Variants in INO80D observed in about 807,000 individuals in gnomAD.
INO80D encodes INO80 complex subunit D.
Under a neutral mutation model 87.6 loss-of-function variants are expected in INO80D, and 21 were observed. That is an observed-to-expected ratio of 0.24 (90% CI 0.17 to 0.35). INO80D has a LOEUF of 0.35. Among genes scored for constraint, INO80D ranks in the 10% least tolerant of loss-of-function variants. The pLI, the probability that INO80D is intolerant of heterozygous loss-of-function variation, is 1.00. For synonymous variants in INO80D, 440 were observed against 491.0 expected, an observed-to-expected ratio of 0.90 and a Z score of 1.37; for missense variants, 982 against 1,280.7, an observed-to-expected ratio of 0.77 and a Z score of 3.56.
chr2:206,060,556 A>C, intron 3 of INO80D, among the ~76,000 whole-genome samples: 1 of 144,906 alleles, frequency 6.9e-6, no homozygotes, highest in Non-Finnish European at 1.5e-5. Flanking sequence ...AACAACAACA[A>C]CTTAGTGCTT....
intron 5 of INO80D, among the ~76,000 whole-genome samples, chr2:206,033,831 T>C (rs1278938405): frequency 2.6e-5 from 4 of 152,154 alleles, no homozygotes; most frequent in East Asian, 3.9e-4. Flanking sequence ...ACACATACAA[T>C]TGATAGGCCA....
At chr2:206,036,220 T>C (rs12475735) in intron 5 of INO80D, among the ~76,000 whole-genome samples, 41,648 of 152,034 alleles carry the variant, frequency 0.27, 6,382 homozygotes, top group Admixed American at 0.35. Flanking sequence ...TACCATTTGA[T>C]CCAGCAATCC....
chr2:206,032,880 A>G (rs1022767681), intron 5 of INO80D, among the ~76,000 whole-genome samples: 1 of 152,236 alleles, frequency 6.6e-6, no homozygotes, highest in Non-Finnish European at 1.5e-5. Flanking sequence ...TAAAGCATAA[A>G]TTATACAGGA....
Position 206,019,857 on chromosome 2 carries a change from A to C in INO80D, c.1299-12T>G. 1 of 1,601,080 alleles carries C rather than the reference A, an allele frequency of 6.2e-7. No individual in the cohort carries two copies. Among genetic ancestry groups the C allele is most frequent in the Non-Finnish European group, 8.5e-7 (1 of 1,172,562 alleles). On this transcript the variant is annotated splice_polypyrimidine_tract_variant and intron_variant, in intron 6 of 10. Transcript: ENST00000403263. ...TGGTCCGGCTTATGCTAAGGAAAGAAAAACAGAGAATTAATTTTTTTTTAA... is the reference window on the plus strand; with the variant it reads ...TGGTCCGGCTTATGCTAAGGAAAGACAAACAGAGAATTAATTTTTTTTTAA...
At chr2:206,012,009 T>G (rs1688188821) in intron 8 of INO80D, among the ~76,000 whole-genome samples, 1 of 152,162 alleles carries the variant, frequency 6.6e-6, no homozygotes, top group Non-Finnish European at 1.5e-5. Flanking sequence ...ATGCGGAAAC[T>G]TGGGAAAAGG....
chr2:206,015,694 G>A (rs981356184), intron 8 of INO80D, among the ~76,000 whole-genome samples: 1 of 152,156 alleles, frequency 6.6e-6, no homozygotes, highest in African/African-American at 2.4e-5. Context: ...AGACCACCCT[G>A]GCCAACATGG....
chr2:206,047,676 C>A (rs1001208306), intron 4 of INO80D, among the ~76,000 whole-genome samples: 12 of 151,408 alleles, frequency 7.9e-5, no homozygotes, highest in Non-Finnish European at 1.6e-4. Context: ...AAAAAAAAAT[C>A]AAAAAGTGCA....
chr2:206,036,618 A>C (rs1469197161), intron 5 of INO80D, among the ~76,000 whole-genome samples: 1 of 152,154 alleles, frequency 6.6e-6, no homozygotes, highest in Non-Finnish European at 1.5e-5. Context: ...AAAAGACTAC[A>C]AATAGGGTGC....
At chr2:206,078,059 T>G (rs1378759108) in intron 1 of INO80D, among the ~76,000 whole-genome samples, 2 of 8,948 alleles carry the variant, frequency 2.2e-4, no homozygotes, top group African/African-American at 9.1e-4. Flanking sequence ...TTGCAATGTT[T>G]ACAAAAAAAA....
At chr2:206,030,486 G>A (rs1688733268) in intron 5 of INO80D, among the ~76,000 whole-genome samples, 1 of 150,886 alleles carries the variant, frequency 6.6e-6, no homozygotes, top group Non-Finnish European at 1.5e-5. Context: ...ACTGCTGGAA[G>A]TAAAGAAAGG....
intron 4 of INO80D, among the ~76,000 whole-genome samples, chr2:206,048,857 T>C (rs908743670): frequency 6.6e-6 from 1 of 152,332 alleles, no homozygotes; most frequent in East Asian, 1.9e-4. Context: ...GCCATGATCA[T>C]GTAACTGCAT....
intron 8 of INO80D, among the ~76,000 whole-genome samples, chr2:206,010,083 A>ACACACACACACACACACG (rs142314785): frequency 6.4e-4 from 97 of 151,280 alleles, no homozygotes; most frequent in South Asian, 5.4e-3. Context: ...ACACACACAC[A>ACACACACACACACACACG]CACGCACACA....
intron 8 of INO80D, among the ~76,000 whole-genome samples, chr2:206,014,937 A>G (rs6707910): frequency 0.043 from 6,478 of 152,188 alleles, 185 homozygotes; most frequent in East Asian, 0.072. Context: ...GAGATGAGGA[A>G]CTTGTTGAGA....
chr2:206,059,616 C>T (rs1313706153), intron 3 of INO80D, among the ~76,000 whole-genome samples: 1 of 152,126 alleles, frequency 6.6e-6, no homozygotes, highest in Non-Finnish European at 1.5e-5. Context: ...TTTGTTGCTT[C>T]GTCTTAGAAA....
intron 1 of INO80D, among the ~76,000 whole-genome samples, chr2:206,075,525 T>G (rs1402280973): frequency 6.6e-6 from 1 of 151,662 alleles, no homozygotes; most frequent in Non-Finnish European, 1.5e-5. Context: ...CAACCTCTGC[T>G]GCCCATTTTC....
In INO80D at chr2:206,000,997, C is replaced by T. The variant is rs1267251479; in HGVS notation, c.*3371G>A. 6.6e-6 allele frequency: 1 copy of T among 152,116 alleles called. No homozygotes were observed. The highest frequency in any genetic ancestry group is 1.5e-5 in the Non-Finnish European group (1 of 68,020). 9.4% of individuals were successfully genotyped at this position (152,116 alleles called of 1,614,324 possible). ...ATGGTAGGTCACCAGAGAAAATAAT[C>T]CTTTGCTGTCTAAGCTATGTGACGA... On this transcript the variant is annotated 3_prime_UTR_variant, in exon 11 of 11. Transcript: ENST00000403263.
At chr2:206,057,248 A>C (rs1689549851) in intron 3 of INO80D, among the ~76,000 whole-genome samples, 1 of 152,196 alleles carries the variant, frequency 6.6e-6, no homozygotes, top group African/African-American at 2.4e-5. Flanking sequence ...GTTATTCTCT[A>C]TTCATAGCAT....
intron 4 of INO80D, among the ~76,000 whole-genome samples, chr2:206,054,747 C>T (rs542084740): frequency 2.0e-5 from 3 of 152,158 alleles, no homozygotes; most frequent in Non-Finnish European, 4.4e-5. Flanking sequence ...TTCCTGACCT[C>T]AGGTGATCTG....
chr2:206,059,932 G>C (rs1019308901), intron 3 of INO80D, among the ~76,000 whole-genome samples: 12 of 152,158 alleles, frequency 7.9e-5, no homozygotes, highest in African/African-American at 2.7e-4. Flanking sequence ...GGCCTGGCGT[G>C]GTGGCTCATG....
Sources: allele counts gnomAD v4.1 joint callset (sites outside exome capture counted in the v4.1 genomes callset), GRCh38; gene constraint gnomAD v4.1.1; transcripts MANE v1.5; gene names NCBI Gene and HGNC (gene_info 2026-07-23, HGNC 2026-07-21).